The following TOB1 variants were observed in gnomAD, a reference collection of about 807,000 sequenced individuals.
TOB1 encodes transducer of ERBB2, 1.
In TOB1, 2 loss-of-function variants were observed where a neutral mutation model predicts 22.9. That is an observed-to-expected ratio of 0.09 (90% CI 0.04 to 0.28). The LOEUF is 0.28. TOB1 is among the 10% of genes least tolerant of loss of function. The pLI is 1.00. For synonymous variants in TOB1, 154 were observed against 150.6 expected (o/e 1.02, Z -0.17); for missense variants, 299 against 420.5 (o/e 0.71, Z 2.53).
upstream of TOB1, chr17:50,867,561 C>T (rs1295380214): frequency 6.6e-6 from 1 of 152,182 alleles, no homozygotes; most frequent in Non-Finnish European, 1.5e-5. Context: ...GCCTGGTATC[C>T]AGGAGACCGA....
chr17:50,867,733 GCGCCGCCTTCCCCTCCAAA>G (rs1318798066), upstream of TOB1: 1 of 152,388 alleles, frequency 6.6e-6, no homozygotes, highest in Non-Finnish European at 1.5e-5. Context: ...ACCAGTTGGG[GCGCCGCCTTCCCCTCCAAA>G]CGTTGGGGCC....
intron 1 of TOB1, among the ~76,000 whole-genome samples, 193 bp downstream of exon 1, chr17:50,865,865 G>C (rs899903386): frequency 2.0e-4 from 30 of 151,342 alleles, no homozygotes. Flanking sequence ...GGACGAGCCC[G>C]ACGCGCCGGC....
Position 50,862,941 on chromosome 17 carries a change from G to GC in TOB1, c.*38dup. On this transcript the variant is annotated 3_prime_UTR_variant, in exon 2 of 2. Coordinates refer to ENST00000499247, the MANE Select transcript of TOB1 (RefSeq NM_005749.4). ...AGGTGAAAAAAAAAATCCCCCTTGG[G>GC]CCCGTGCATTTTAACTTGTACGATA... 6.5e-7 allele frequency: 1 copy of GC among 1,533,572 alleles called. No individual in the cohort carries two copies. Among genetic ancestry groups the GC allele is most frequent in the Non-Finnish European group, 8.7e-7 (1 of 1,143,164 alleles). The allele number at this position is 1,533,572 out of a possible 1,614,324, so 95.0% of individuals were successfully genotyped here.
At chr17:50,866,487 C>A (rs1972311678), upstream of TOB1, 1 of 152,348 alleles carries the variant, frequency 6.6e-6, no homozygotes, top group East Asian at 1.9e-4. Flanking sequence ...CCGCCCGGCA[C>A]CCCGGTCCCC....
chr17:50,862,859 T>C lies in TOB1; in HGVS notation c.*121A>G, dbSNP rs1292795024. On this transcript the variant is annotated 3_prime_UTR_variant, in exon 2 of 2. Transcript: ENST00000499247. ...AATGATGCATGTTTTATTATTATTT[T>C]TTTAACCAAGCTTGAATGTATCCTT... is the stretch of plus-strand genomic sequence containing the variant. The C allele has an allele frequency of 7.5e-7, 1 of 1,331,100 alleles. No homozygotes were observed. Among genetic ancestry groups the C allele is most frequent in the African/African-American group, 1.5e-5 (1 of 67,120 alleles). The allele number at this position is 1,331,100 out of a possible 1,614,324, so 82.5% of individuals were successfully genotyped here. A position where few individuals can be genotyped will look rare whatever the true frequency, so the allele number is the denominator to read the frequency against.
In TOB1 at chr17:50,862,932, C is replaced by T; in HGVS notation, c.*48G>A. 5 of 1,468,808 alleles carry T rather than the reference C, an allele frequency of 3.4e-6. No homozygotes were observed. The highest frequency in any genetic ancestry group is 3.1e-5 in the South Asian group (2 of 65,154). The allele number at this position is 1,468,808 out of a possible 1,614,324, so 91.0% of individuals were successfully genotyped here. ...TTCTCAAGGAGGTGAAAAAAAAAAT[C>T]CCCCTTGGGCCCGTGCATTTTAACT... On this transcript the variant is annotated 3_prime_UTR_variant, in exon 2 of 2. Transcript: ENST00000499247.
upstream of TOB1, chr17:50,867,929 C>T (rs1373572409): frequency 6.6e-6 from 1 of 152,220 alleles, no homozygotes; most frequent in East Asian, 1.9e-4. Flanking sequence ...GTTGGAGCCG[C>T]CTTCTCCACC....
rs528956204 is a variant in TOB1 at position 50,863,545 on chromosome 17, C to T, written c.473G>A (p.Gly158Asp). ...GGTAGGGCTTACAGCAGCAGAGTGA[C>T]CAAAAGGAGGCGATGGAGAGCTGGA... ...SVSSSPSPPF[G>D]HSAAVSPTFM... Residue 158 changes from glycine to aspartate, a missense_variant, in exon 2 of 2, where the codon GGT becomes GAT. Coordinates refer to ENST00000499247, the MANE Select transcript of TOB1 (RefSeq NM_005749.4). 5.6e-6 allele frequency: 9 copies of T among 1,614,058 alleles called. No homozygotes were observed. In the South Asian group the frequency reaches 9.9e-5, roughly 18 times the overall value.
chr17:50,862,738 G>C lies in TOB1; in HGVS notation c.*242C>G, dbSNP rs1972231827. 2.3e-6 allele frequency: 1 copy of C among 431,880 alleles called. No individual in the cohort carries two copies. The highest frequency in any genetic ancestry group is 2.0e-5 in the African/African-American group (1 of 48,936). The allele number at this position is 431,880 out of a possible 1,614,324, so 26.8% of individuals were successfully genotyped here. A position where few individuals can be genotyped will look rare whatever the true frequency, so the allele number is the denominator to read the frequency against. On this transcript the variant is annotated 3_prime_UTR_variant, in exon 2 of 2. Transcript: ENST00000499247. ...ATAAAAAAAAATCAGCCATGTCCTTGCTATATCTTAAATACTGTAAGAGGC... is the reference window on the plus strand; with the variant it reads ...ATAAAAAAAAATCAGCCATGTCCTTCCTATATCTTAAATACTGTAAGAGGC...
intron 1 of TOB1, among the ~76,000 whole-genome samples, chr17:50,865,515 C>T (rs1226992823): frequency 6.6e-6 from 1 of 152,100 alleles, no homozygotes; most frequent in East Asian, 1.9e-4. Context: ...GAAGAGAGTA[C>T]GAGCCTCCTC....
chr17:50,862,801 T>A lies in TOB1; in HGVS notation c.*179A>T, dbSNP rs1425102866. ...TATACTTTAAAATATACAGTCAGTA[T>A]AAAATAACTTTGTGCTTGGTTGGCA... On this transcript the variant is annotated 3_prime_UTR_variant, in exon 2 of 2. Transcript: ENST00000499247. 2.4e-6 allele frequency: 2 copies of A among 848,090 alleles called. No individual in the cohort carries two copies. Among genetic ancestry groups the A allele is most frequent in the Non-Finnish European group, 3.4e-6 (2 of 586,540 alleles). The allele number at this position is 848,090 out of a possible 1,614,324, so 52.5% of individuals were successfully genotyped here.
upstream of TOB1, among the ~76,000 whole-genome samples, chr17:50,866,528 C>G (rs1972313238): frequency 6.6e-6 from 1 of 152,120 alleles, no homozygotes; most frequent in Non-Finnish European, 1.5e-5. Context: ...GCCCTGCCCC[C>G]CGACGCCATT....
intron 1 of TOB1, among the ~76,000 whole-genome samples, chr17:50,864,530 C>T (rs1286206735): frequency 6.6e-6 from 1 of 152,076 alleles, no homozygotes; most frequent in South Asian, 2.1e-4. Context: ...GCATCCTCCC[C>T]CCACCCCCAT....
rs1431458070 is a variant in TOB1, at chr17:50,866,178, G to C, written c.-267C>G. ...GCCGAGTGCAAGACGTTGCCGCTGCGGGGCTGAGGACAGAGGACAGAGGCC... is the reference window on the plus strand; with the variant it reads ...GCCGAGTGCAAGACGTTGCCGCTGCCGGGCTGAGGACAGAGGACAGAGGCC... On this transcript the variant is annotated 5_prime_UTR_variant, in exon 1 of 2. Transcript: ENST00000499247. 1 of 152,326 alleles carries C rather than the reference G, an allele frequency of 6.6e-6. No individual in the cohort carries two copies. Among genetic ancestry groups the C allele is most frequent in the Non-Finnish European group, 1.5e-5 (1 of 68,184 alleles). 9.4% of individuals were successfully genotyped at this position (152,326 alleles called of 1,614,324 possible).
Position 50,863,808 on chromosome 17 carries a change from T to C in TOB1, c.210A>G (p.Gln70=), listed in dbSNP as rs1972255333. 1 of 1,614,024 alleles carries C rather than the reference T, an allele frequency of 6.2e-7. No individual in the cohort carries two copies. The highest frequency in any genetic ancestry group is 1.1e-5 in the South Asian group (1 of 91,086). ...TGTCCAAACCACTCTCTTTGGATGC[T>C]TGTTCAATCACTGGGTCCACTTTCT... ...IGEKVDPVIE[Q]ASKESGLDID... is the part of the protein sequence containing the mutation. Residue 70 remains glutamine, a synonymous_variant, in exon 2 of 2, where the codon CAA becomes CAG. Transcript: ENST00000499247.
upstream of TOB1, chr17:50,866,876 G>C (rs1207034251): frequency 6.6e-6 from 1 of 152,404 alleles, no homozygotes; most frequent in Non-Finnish European, 1.5e-5. Context: ...GGAGGATCCT[G>C]CTCGTGGAAT....
Position 50,863,335 on chromosome 17 carries a change from G to A in TOB1, c.683C>T (p.Ser228Phe), listed in dbSNP as rs1972244808. 1.2e-6 allele frequency: 2 copies of A among 1,614,216 alleles called. No homozygotes were observed. ...KQKAISSSMH[S>F]LYGLGLGSQQ... is the part of the protein sequence containing the mutation. The stretch of plus-strand genomic sequence containing the variant: ...GCTACCCAAGCCAAGCCCATACAGA[G>A]AGTGCATTGAGGAAGAGATGGCTTT... The change falls in exon 2 of 2, where the codon TCT becomes TTT. Residue 228 changes from serine (S) to phenylalanine (F), a missense_variant. Transcript: ENST00000499247.
chr17:50,864,643 C>A (rs2143343066), intron 1 of TOB1, among the ~76,000 whole-genome samples: 1 of 152,258 alleles, frequency 6.6e-6, no homozygotes, highest in East Asian at 1.9e-4. Flanking sequence ...TTTAAATCTG[C>A]TCTGTCACTG....
upstream of TOB1, chr17:50,867,857 G>C (rs916341931): frequency 3.3e-5 from 5 of 152,198 alleles, no homozygotes; most frequent in Non-Finnish European, 7.3e-5. Flanking sequence ...TGTGCTCCTC[G>C]GGCACAAACC....
Sources: allele counts gnomAD v4.1 joint callset (sites outside exome capture counted in the v4.1 genomes callset), GRCh38; gene constraint gnomAD v4.1.1; transcripts MANE v1.5; gene names NCBI Gene and HGNC (gene_info 2026-07-23, HGNC 2026-07-21).